The following APBA1 variants were observed in gnomAD, a reference collection of about 807,000 sequenced individuals.
APBA1 encodes the protein amyloid beta precursor protein binding family A member 1.
APBA1 carries 55 observed loss-of-function variants against 86.6 expected under a neutral mutation model. That is an observed-to-expected ratio of 0.64 (90% CI 0.51 to 0.80). The LOEUF (loss-of-function observed/expected upper bound fraction) is 0.80, where lower values mean the gene tolerates loss of function less well. APBA1 is among the 30% of genes least tolerant of loss of function. The pLI is 0.00. For synonymous variants in APBA1, 511 were observed against 493.9 expected, an observed-to-expected ratio of 1.03 and a Z score of -0.46; for missense variants, 1,090 against 1,183.0, an observed-to-expected ratio of 0.92 and a Z score of 1.15.
rs1159741378 is a variant in APBA1 at position 69,484,202 on chromosome 9, A to G, written c.1201-8059T>C. Reference sequence around the variant, plus strand: ...ACATTTCCTATTTCTCAATTGCTCTAAATCTTCTAAAAATAAATTCTTTAC... The same window carrying G: ...ACATTTCCTATTTCTCAATTGCTCTGAATCTTCTAAAAATAAATTCTTTAC... On this transcript the variant is annotated intron_variant, in intron 2 of 12. Transcript: ENST00000265381. Among the ~76,000 whole-genome samples the G allele has an allele frequency of 2.0e-5, 3 of 152,234 alleles. No homozygotes were observed. In the East Asian group the frequency reaches 5.8e-4, roughly 29 times the overall value.
In APBA1 at chr9:69,428,364, C is replaced by T. The variant is rs1761293; in HGVS notation, c.*2963G>A. 39,748 of 152,090 alleles carry T rather than the reference C, an allele frequency of 0.26. 5,319 individuals are homozygous for T. The highest frequency in any genetic ancestry group is 0.38 in the South Asian group (1,822 of 4,802). The allele number at this position is 152,090 out of a possible 1,614,324, so 9.4% of individuals were successfully genotyped here. On this transcript the variant is annotated 3_prime_UTR_variant, in exon 13 of 13. Coordinates refer to ENST00000265381, the MANE Select transcript of APBA1 (RefSeq NM_001163.4). ...AGCCTGCTCTGGCGAGGGAAGGTGT[C>T]GCTGGAGAAGTGGGCTCCAGGCATT...
intron 1 of APBA1, among the ~76,000 whole-genome samples, chr9:69,596,989 T>C (rs1822241932): frequency 6.6e-6 from 1 of 152,234 alleles, no homozygotes; most frequent in Non-Finnish European, 1.5e-5. Context: ...ATATTTACAG[T>C]GCAACACTGA....
chr9:69,536,212 T>A (rs1279696280), intron 1 of APBA1, among the ~76,000 whole-genome samples: 8 of 152,130 alleles, frequency 5.3e-5, no homozygotes, highest in Admixed American at 5.2e-4. Context: ...ATAGATTATA[T>A]CCTTATGAGT....
intron 1 of APBA1, among the ~76,000 whole-genome samples, chr9:69,608,093 T>C (rs1281806281): frequency 6.6e-6 from 1 of 152,224 alleles, no homozygotes; most frequent in East Asian, 1.9e-4. Context: ...ATTATCACGT[T>C]TACTTAATTG....
At chr9:69,624,130 C>A (rs1172050153) in intron 1 of APBA1, among the ~76,000 whole-genome samples, 1 of 152,120 alleles carries the variant, frequency 6.6e-6, no homozygotes, top group East Asian at 1.9e-4. Context: ...TGATACTGTG[C>A]AGTTTGGGAC....
intron 2 of APBA1, among the ~76,000 whole-genome samples, chr9:69,481,848 C>G (rs1313585176): frequency 6.6e-6 from 1 of 151,926 alleles, no homozygotes; most frequent in Non-Finnish European, 1.5e-5. Context: ...TTTGACAAAC[C>G]TGAGAAAAGC....
At chr9:69,490,441 T>C (rs1835688770) in intron 2 of APBA1, among the ~76,000 whole-genome samples, 1 of 151,768 alleles carries the variant, frequency 6.6e-6, no homozygotes. Context: ...AACCTGCACA[T>C]CGTGTACATG....
chr9:69,569,240 C>G (rs1837077612), intron 1 of APBA1, among the ~76,000 whole-genome samples: 1 of 152,158 alleles, frequency 6.6e-6, no homozygotes, highest in African/African-American at 2.4e-5. Flanking sequence ...CACCCCACAT[C>G]ACATCCCTGA....
chr9:69,602,249 T>C (rs1295817174), intron 1 of APBA1, among the ~76,000 whole-genome samples: 1 of 152,086 alleles, frequency 6.6e-6, no homozygotes, highest in East Asian at 1.9e-4. Context: ...ACTAACTCAA[T>C]CCAGCACATC....
intron 1 of APBA1, among the ~76,000 whole-genome samples, chr9:69,530,906 A>G (rs1400110480): frequency 2.6e-5 from 4 of 152,172 alleles, no homozygotes; most frequent in Non-Finnish European, 5.9e-5. Context: ...GTGAGTCTTA[A>G]TGGTTCATGT....
At chr9:69,561,064 C>T (rs113891166) in intron 1 of APBA1, among the ~76,000 whole-genome samples, 13 of 152,254 alleles carry the variant, frequency 8.5e-5, no homozygotes, top group African/African-American at 2.9e-4. Context: ...TATAATGTTG[C>T]TCTTTACAAA....
At chr9:69,558,603 T>C (rs1836901495) in intron 1 of APBA1, among the ~76,000 whole-genome samples, 1 of 151,560 alleles carries the variant, frequency 6.6e-6, no homozygotes, top group Admixed American at 6.6e-5. Flanking sequence ...GTATAACTTT[T>C]ATTTTAGGTT....
At chr9:69,618,638 G>A (rs1411235982) in intron 1 of APBA1, among the ~76,000 whole-genome samples, 1 of 152,126 alleles carries the variant, frequency 6.6e-6, no homozygotes, top group African/African-American at 2.4e-5. Flanking sequence ...ATCAGACAAG[G>A]GCACCAGGTA....
At chr9:69,592,090 G>C (rs572724829) in intron 1 of APBA1, among the ~76,000 whole-genome samples, 18 of 152,160 alleles carry the variant, frequency 1.2e-4, no homozygotes, top group African/African-American at 4.3e-4. Flanking sequence ...CCATTTAACT[G>C]GGTTATTATG....
chr9:69,633,632 CAA>C (rs1462000247), intron 1 of APBA1, among the ~76,000 whole-genome samples: 1 of 152,174 alleles, frequency 6.6e-6, no homozygotes, highest in Non-Finnish European at 1.5e-5. Flanking sequence ...CTCAAATGAT[CAA>C]AGTTTCCTCT....
At chr9:69,600,182 C>T (rs1822318146) in intron 1 of APBA1, among the ~76,000 whole-genome samples, 1 of 152,166 alleles carries the variant, frequency 6.6e-6, no homozygotes, top group South Asian at 2.1e-4. Context: ...TCTCTGCCTT[C>T]AAGGAAATGC....
At chr9:69,660,400 C>T (rs535712949) in intron 1 of APBA1, among the ~76,000 whole-genome samples, 6 of 152,286 alleles carry the variant, frequency 3.9e-5, no homozygotes, top group Non-Finnish European at 5.9e-5. Context: ...ACACTTCAGC[C>T]GGTTCAGAGT....
At chr9:69,568,565 C>T (rs1273991121) in intron 1 of APBA1, among the ~76,000 whole-genome samples, 4 of 152,130 alleles carry the variant, frequency 2.6e-5, no homozygotes, top group African/African-American at 9.7e-5. Flanking sequence ...GTGCTTCTTC[C>T]AGCTCCTCTC....
chr9:69,516,767 G>A lies in APBA1; in HGVS notation c.444C>T (p.Asn148=), dbSNP rs1410770108. ...GCTCCAGCGAGTGGAAGTGCAGGTG[G>A]TTGGGCAGCGCGCGGCGGTGCGTGG... The part of the protein sequence containing the change: ...AEATHRRALP[N]HLHFHSLEHE... Residue 148 remains asparagine (N), a synonymous_variant, in exon 2 of 13, where the codon AAC becomes AAT. Transcript: ENST00000265381. The surrounding 1 kb of genome is among the most constrained non-coding windows in gnomAD (Gnocchi z 7.3). 6.2e-6 allele frequency: 10 copies of A among 1,611,696 alleles called. No individual in the cohort carries two copies. The highest frequency in any genetic ancestry group is 7.6e-6 in the Non-Finnish European group (9 of 1,179,530).
Sources: allele counts gnomAD v4.1 joint callset (sites outside exome capture counted in the v4.1 genomes callset), GRCh38; gene constraint gnomAD v4.1.1; non-coding constraint Gnocchi (gnomAD v3.1); transcripts MANE v1.5; gene names NCBI Gene and HGNC (gene_info 2026-07-23, HGNC 2026-07-21).